Variants in RIPOR3 observed in about 807,000 individuals in gnomAD.
RIPOR3 encodes RIPOR family member 3, also known as family with sequence similarity 65 member C.
RIPOR3 carries 95 observed loss-of-function variants against 114.3 expected under a neutral mutation model. The ratio of observed to expected loss-of-function variants is 0.83; its 90% CI spans 0.70 to 0.99. The LOEUF is 0.99. Ranked by LOEUF, RIPOR3 falls within the 50% of genes least tolerant of loss-of-function variation. The pLI is 0.00. For synonymous variants in RIPOR3, 575 were observed against 543.8 expected, an observed-to-expected ratio of 1.06 and a Z score of -0.80; for missense variants, 1,252 against 1,266.9, an observed-to-expected ratio of 0.99 and a Z score of 0.18.
intron 1 of RIPOR3, among the ~76,000 whole-genome samples, chr20:50,687,324 G>C (rs2087061842): frequency 6.6e-6 from 1 of 152,266 alleles, no homozygotes; most frequent in South Asian, 2.1e-4. Context: ...GGGCAAGAGA[G>C]AGGAGTTTGG....
At chr20:50,666,217 CTTTTCT>C (rs2086225522) in intron 1 of RIPOR3, among the ~76,000 whole-genome samples, 5 of 117,876 alleles carry the variant, frequency 4.2e-5, no homozygotes, top group South Asian at 2.7e-4. Flanking sequence ...CTTTTCTTTT[CTTTTCT>C]TTTTTGAGAC....
intron 20 of RIPOR3, among the ~76,000 whole-genome samples, chr20:50,588,419 A>G (rs1322803599): frequency 6.6e-6 from 1 of 152,232 alleles, no homozygotes; most frequent in Non-Finnish European, 1.5e-5. Flanking sequence ...TGGGAGTTCA[A>G]TCTGTACTGA....
At chr20:50,627,697 T>G (rs987882178) in intron 2 of RIPOR3, among the ~76,000 whole-genome samples, 52 of 151,680 alleles carry the variant, frequency 3.4e-4, no homozygotes, top group South Asian at 6.2e-4. Context: ...AAAAAAATTT[T>G]GGGAGGCTGG....
chr20:50,683,046 C>A (rs2086909922), intron 1 of RIPOR3, among the ~76,000 whole-genome samples: 1 of 152,058 alleles, frequency 6.6e-6, no homozygotes, highest in African/African-American at 2.4e-5. Context: ...TTTTTTTAAG[C>A]AAGGGAAATT....
intron 1 of RIPOR3, among the ~76,000 whole-genome samples, chr20:50,637,811 G>A (rs1006415679): frequency 1.4e-4 from 22 of 152,092 alleles, no homozygotes; most frequent in African/African-American, 5.1e-4. Context: ...GGAAGCGGAG[G>A]TTGCAGTTAG....
In RIPOR3 at chr20:50,587,788, G is replaced by A. The variant is rs774576887; in HGVS notation, c.2752+14C>T. 3.4e-5 allele frequency: 55 copies of A among 1,613,828 alleles called. 3 individuals are homozygous for A. In the South Asian group the frequency reaches 5.9e-4, roughly 17 times the overall value. On this transcript the variant is annotated intron_variant, in intron 21 of 21. Transcript: ENST00000327979. The stretch of plus-strand genomic sequence containing the variant: ...GGCACCCCGCTGCGCTGCACAGTTT[G>A]TGCCACTTTTTACCGAACGACAGTG...
chr20:50,595,436 C>T lies in RIPOR3; in HGVS notation c.1983G>A (p.Lys661=). 1.2e-6 allele frequency: 2 copies of T among 1,614,210 alleles called. No individual in the cohort carries two copies. Among genetic ancestry groups the T allele is most frequent in the Non-Finnish European group, 1.7e-6 (2 of 1,180,036 alleles). Residue 661 remains lysine, a synonymous_variant, in exon 16 of 22, where the codon AAG becomes AAA. Coordinates refer to ENST00000327979, the MANE Select transcript of RIPOR3 (RefSeq NM_001290268.2). ...GGACAGAAAGTGTCTCCAGAACGTG[C>T]TTTTGCTGTGCCACTTCTTCCAGGA... ...ECLLEEVAQQ[K]HVLETLSVLD... is the part of the protein sequence containing the mutation.
chr20:50,655,187 T>C (rs2085766231), intron 1 of RIPOR3, among the ~76,000 whole-genome samples: 1 of 152,266 alleles, frequency 6.6e-6, no homozygotes. Context: ...TCCTGCATAT[T>C]GTCTCCAGGA....
rs1360648064 is a variant in RIPOR3, at chr20:50,597,701, C to T, written c.1669G>A (p.Ala557Thr). ...GFRDRLKPCRARQEHTSAESL... is the reference protein window; with the variant it reads ...GFRDRLKPCRTRQEHTSAESL... ...TCGGCCGAGGTGTGCTCCTGCCGTG[C>T]TCTGCAGGGCTGTGGACGAAGTGGC... Residue 557 changes from alanine (A) to threonine (T), a missense_variant, in exon 14 of 22, where the codon GCA becomes ACA. Coordinates refer to ENST00000327979, the MANE Select transcript of RIPOR3 (RefSeq NM_001290268.2). 3.1e-6 allele frequency: 5 copies of T among 1,612,260 alleles called. No individual in the cohort carries two copies. The highest frequency in any genetic ancestry group is 2.2e-5 in the East Asian group (1 of 44,792).
At chr20:50,662,475 G>A (rs889263339) in intron 1 of RIPOR3, among the ~76,000 whole-genome samples, 47 of 152,308 alleles carry the variant, frequency 3.1e-4, no homozygotes, top group African/African-American at 1.1e-3. Flanking sequence ...CCCAGGTGGT[G>A]GACTTCATAG....
chr20:50,666,839 C>T (rs1269232596), intron 1 of RIPOR3, among the ~76,000 whole-genome samples: 2 of 152,126 alleles, frequency 1.3e-5, no homozygotes, highest in Non-Finnish European at 2.9e-5. Flanking sequence ...GGATTACAGG[C>T]GTGAGTCACC....
chr20:50,669,338 T>G (rs2123513029), intron 1 of RIPOR3, among the ~76,000 whole-genome samples: 1 of 152,366 alleles, frequency 6.6e-6, no homozygotes, highest in East Asian at 1.9e-4. Context: ...TTACCACGAT[T>G]GTGACTAATT....
chr20:50,681,306 A>G (rs2086855165), intron 1 of RIPOR3, among the ~76,000 whole-genome samples: 1 of 148,934 alleles, frequency 6.7e-6, no homozygotes, highest in Non-Finnish European at 1.5e-5. Context: ...AGGCTTCTGG[A>G]AAAGATAGCT....
intron 3 of RIPOR3, among the ~76,000 whole-genome samples, chr20:50,618,409 G>A (rs985166338): frequency 6.6e-6 from 1 of 150,880 alleles, no homozygotes; most frequent in African/African-American, 2.5e-5. Context: ...GGTCCCCATT[G>A]CCCCATAACC....
intron 1 of RIPOR3, among the ~76,000 whole-genome samples, chr20:50,673,441 GC>G: frequency 6.6e-6 from 1 of 152,264 alleles, no homozygotes; most frequent in South Asian, 2.1e-4. Flanking sequence ...AAGGTGGCCA[GC>G]CTGGCTTTGT....
intron 3 of RIPOR3, among the ~76,000 whole-genome samples, chr20:50,618,421 C>T (rs1239480458): frequency 6.6e-6 from 1 of 152,092 alleles, no homozygotes; most frequent in Non-Finnish European, 1.5e-5. Flanking sequence ...CCCATAACCT[C>T]ATCCTCTTTC....
chr20:50,601,119 A>G (rs2083478133), intron 13 of RIPOR3, among the ~76,000 whole-genome samples: 1 of 152,234 alleles, frequency 6.6e-6, no homozygotes, highest in African/African-American at 2.4e-5. Flanking sequence ...TGCCGGGGCC[A>G]GGTGGGAGTT....
intron 2 of RIPOR3, among the ~76,000 whole-genome samples, 167 bp downstream of exon 2, chr20:50,630,571 A>ATCTC (rs140830420): frequency 0.033 from 4,367 of 133,084 alleles, 75 homozygotes; most frequent in Non-Finnish European, 0.04. Context: ...CTCAATCTCA[A>ATCTC]TCTCTCTCTC....
intron 1 of RIPOR3, among the ~76,000 whole-genome samples, chr20:50,651,030 G>A (rs916997858): frequency 6.6e-5 from 10 of 151,780 alleles, no homozygotes; most frequent in African/African-American, 2.4e-4. Context: ...GGAGTGCAGT[G>A]GCATGATCTC....
Sources: gnomAD v4.1 joint callset for allele counts (sites outside exome capture counted in the v4.1 genomes callset) on GRCh38, gnomAD v4.1.1 for gene constraint, MANE v1.5 for transcripts, NCBI Gene and HGNC (gene_info 2026-07-23, HGNC 2026-07-21) for gene names.